The following LEMD2 variants were observed in gnomAD, a reference collection of about 807,000 sequenced individuals.
LEMD2 encodes the protein LEM domain-containing protein 2.
LEMD2 carries 34 observed loss-of-function variants against 58.8 expected under a neutral mutation model. That is an observed-to-expected ratio of 0.58 (90% CI 0.44 to 0.77). The LOEUF is 0.77. LEMD2 is among the 30% of genes least tolerant of loss of function. The pLI is 0.00. For synonymous variants in LEMD2, 298 were observed against 308.9 expected (o/e 0.96, Z 0.37); for missense variants, 629 against 717.9 (o/e 0.88, Z 1.42).
intron 3 of LEMD2, 41 bp downstream of exon 3, chr6:33,784,311 C>T: frequency 1.3e-6 from 2 of 1,486,244 alleles, no homozygotes; most frequent in Non-Finnish European, 1.9e-6. Context: ...CCGCCCATAG[C>T]TCTCACAAGA....
Position 33,777,008 on chromosome 6 carries a change from T to C in LEMD2, c.1307A>G (p.Tyr436Cys). The C allele has an allele frequency of 6.2e-7, 1 of 1,614,138 alleles. No individual in the cohort carries two copies. Among genetic ancestry groups the C allele is most frequent in the Non-Finnish European group, 8.5e-7 (1 of 1,180,008 alleles). The change falls in exon 8 of 9, where the codon TAT (tyrosine) becomes TGT (cysteine). Residue 436 changes from tyrosine (Y) to cysteine (C), a missense_variant. Transcript: ENST00000293760. The part of the protein sequence containing the change: ...YVDWEQDMER[Y>C]PYVGILHVRD... ...CACGTGCAGGATGCCTACATATGGA[T>C]AGCGCTCCATGTCCTGCTCCCAGTC...
Position 33,772,184 on chromosome 6 carries a change from G to GT in LEMD2, c.*443dup, listed in dbSNP as rs1305371000. 1.3e-5 allele frequency: 2 copies of GT among 158,046 alleles called. No individual in the cohort carries two copies. The highest frequency in any genetic ancestry group is 4.8e-5 in the African/African-American group (2 of 41,544). 9.8% of individuals were successfully genotyped at this position (158,046 alleles called of 1,614,324 possible). A position where few individuals can be genotyped will look rare whatever the true frequency, so the allele number is the denominator to read the frequency against. ...TCTCCCTTCACCCTGGAGCTCTCAA[G>GT]TAACAACCCCCTGAAGGCACATGGA... On this transcript the variant is annotated 3_prime_UTR_variant, in exon 9 of 9. Transcript: ENST00000293760.
At position 33,778,168 on chromosome 6, in the gene LEMD2, T is replaced by C. The variant is rs1767479185; in HGVS notation, c.1156+74A>G. On this transcript the variant is annotated intron_variant, in intron 6 of 8. Transcript: ENST00000293760. The surrounding 1 kb of genome is among the most constrained non-coding windows in gnomAD (Gnocchi z 4.7). Reference sequence around the variant, plus strand: ...AAATGAACCCTCCGGGCCTGGAATTTCTATAGCTCATCATTCATGCCTAGG... The same window carrying C: ...AAATGAACCCTCCGGGCCTGGAATTCCTATAGCTCATCATTCATGCCTAGG... 7.1e-6 allele frequency: 10 copies of C among 1,417,940 alleles called. No homozygotes were observed. Among genetic ancestry groups the C allele is most frequent in the Non-Finnish European group, 9.4e-6 (10 of 1,066,426 alleles). The allele number at this position is 1,417,940 out of a possible 1,614,324, so 87.8% of individuals were successfully genotyped here.
chr6:33,784,477 G>GGGGGGGGGGGGGGGCCCCCCCC, intron 2 of LEMD2, 50 bp from the exon 3 acceptor site: 2 of 430,802 alleles, frequency 4.6e-6, no homozygotes, highest in Non-Finnish European at 9.5e-6. Flanking sequence ...GGTGGGAGGG[G>GGGGGGGGGGGGGGGCCCCCCCC]TCCGTCTGTC....
chr6:33,772,707 T>C lies in LEMD2; in HGVS notation c.1433A>G (p.Glu478Gly), dbSNP rs1305505374. Residue 478 changes from glutamate to glycine, a missense_variant, in exon 9 of 9, where the codon GAG becomes GGG. This residue lies in a region of LEMD2 where 243 missense variants were observed against 336.8 expected (regional missense o/e 0.72). Coordinates refer to ENST00000293760, the MANE Select transcript of LEMD2 (RefSeq NM_181336.4). ...LASNESRIQT[E>G]SHRVAGEDML... ...GTCCTCTCCTGCAACGCGGTGGGAC[T>C]CCGTCTGGATCCGGGATTCGTTGGA... 1.2e-6 allele frequency: 2 copies of C among 1,614,056 alleles called. No homozygotes were observed. Among genetic ancestry groups the C allele is most frequent in the Non-Finnish European group, 1.7e-6 (2 of 1,180,000 alleles).
In LEMD2 at chr6:33,784,410, C is replaced by T; in HGVS notation, c.795G>A (p.Gln265=). The stretch of plus-strand genomic sequence containing the variant: ...GCAGCAGCTCCAGCAAGGCTGCCTT[C>T]TGCTTGGCCTGACAGAACTGGAAAG... ...RKTDEFCQAK[Q]KAALLELLHE... The change falls in exon 3 of 9, where the codon CAG becomes CAA. Residue 265 remains glutamine, a synonymous_variant. Transcript: ENST00000293760. 1 of 1,341,356 alleles carries T rather than the reference C, an allele frequency of 7.5e-7. No individual in the cohort carries two copies. Among genetic ancestry groups the T allele is most frequent in the Non-Finnish European group, 9.8e-7 (1 of 1,019,046 alleles). 83.1% of individuals were successfully genotyped at this position (1,341,356 alleles called of 1,614,324 possible).
Position 33,787,763 on chromosome 6 carries a change from C to G in LEMD2, c.736+618G>C, listed in dbSNP as rs139162048. Among the ~76,000 whole-genome samples, 1,491 of 152,298 alleles carry G rather than the reference C, an allele frequency of 9.8e-3. 13 individuals are homozygous for G. Among genetic ancestry groups the G allele is most frequent in the Non-Finnish European group, 0.015 (1,027 of 68,024 alleles). ...AGGATGGCTGTGAGCATCCTTGAGT[C>G]GTAGTCTCTCTCTTAACACACTCCA... On this transcript the variant is annotated intron_variant, in intron 1 of 8. Coordinates refer to ENST00000293760, the MANE Select transcript of LEMD2 (RefSeq NM_181336.4).
At chr6:33,784,090 G>A (rs1490899269) in intron 3 of LEMD2, among the ~76,000 whole-genome samples, 3 of 152,256 alleles carry the variant, frequency 2.0e-5, no homozygotes, top group Admixed American at 1.3e-4. Flanking sequence ...AGGAAGAACA[G>A]CTGCAGGAAG....
chr6:33,783,012 C>T (rs1028178000), intron 3 of LEMD2, among the ~76,000 whole-genome samples: 5 of 152,214 alleles, frequency 3.3e-5, no homozygotes, highest in Non-Finnish European at 7.4e-5. Context: ...GACCCAATTT[C>T]GAGCAGTGCT....
chr6:33,777,688 G>A (rs1296668288), intron 6 of LEMD2, among the ~76,000 whole-genome samples: 1 of 152,170 alleles, frequency 6.6e-6, no homozygotes, highest in Non-Finnish European at 1.5e-5. Flanking sequence ...ACTATCTCTG[G>A]AAAGCCGTGG....
rs1303532287 is a variant in LEMD2, at chr6:33,789,060, C to T, written c.57G>A (p.Gln19=). The T allele has an allele frequency of 6.4e-7, 1 of 1,551,952 alleles. No homozygotes were observed. The highest frequency in any genetic ancestry group is 8.6e-7 in the Non-Finnish European group (1 of 1,157,456). ...LRRELQALGF[Q]PGPITDTTRD... ...GGGTGGTGTCGGTGATGGGTCCTGG[C>T]TGGAAGCCCAGGGCCTGCAGCTCCC... Residue 19 remains glutamine (Q), a synonymous_variant, in exon 1 of 9, where the codon CAG becomes CAA. Coordinates refer to ENST00000293760, the MANE Select transcript of LEMD2 (RefSeq NM_181336.4).
rs546102919 is a variant in LEMD2, at chr6:33,777,946, G to A, written c.1156+296C>T. ...ACTGGGATCCCTGCAGAGCCCAGAAGGGGTGGGGCCCAGCTCCTGCTCAGG... is the reference window on the plus strand; with the variant it reads ...ACTGGGATCCCTGCAGAGCCCAGAAAGGGTGGGGCCCAGCTCCTGCTCAGG... On this transcript the variant is annotated intron_variant, in intron 6 of 8. Transcript: ENST00000293760. 2.3e-3 allele frequency among the ~76,000 whole-genome samples: 348 copies of A among 152,368 alleles called. 1 individual carries two copies. The highest frequency in any genetic ancestry group is 5.5e-3 in the Admixed American group (84 of 15,310).
rs760559700 is a variant in LEMD2, at chr6:33,781,132, G to A, written c.875C>T (p.Pro292Leu). 6.2e-7 allele frequency: 1 copy of A among 1,611,572 alleles called. No individual in the cohort carries two copies. The change falls in exon 4 of 9, where the codon CCA becomes CTA. Residue 292 changes from proline to leucine, a missense_variant. Transcript: ENST00000293760. ...AATGCATTTGCTTTTTAGATTCTCT[G>A]GATTTCCACACTCAAAATTACCTAG... is the stretch of plus-strand genomic sequence containing the variant. ...IQAGNFECGN[P>L]ENLKSKCIPV...
At chr6:33,783,302 C>T (rs770060034) in intron 3 of LEMD2, among the ~76,000 whole-genome samples, 1 of 152,188 alleles carries the variant, frequency 6.6e-6, no homozygotes, top group Non-Finnish European at 1.5e-5. Context: ...TGGATGCCTC[C>T]CCTACCATCT....
chr6:33,788,140 T>C (rs1286346883), intron 1 of LEMD2, among the ~76,000 whole-genome samples: 2 of 152,138 alleles, frequency 1.3e-5, no homozygotes, highest in East Asian at 3.9e-4. Context: ...AGGGAGACGT[T>C]AGAAGGGAGG....
chr6:33,774,014 A>G (rs975942953), intron 8 of LEMD2, among the ~76,000 whole-genome samples: 3 of 152,166 alleles, frequency 2.0e-5, no homozygotes, highest in Admixed American at 2.0e-4. Context: ...CTGGGTATCT[A>G]TGCTAATGCA....
intron 8 of LEMD2, among the ~76,000 whole-genome samples, chr6:33,775,901 G>A (rs1203485574): frequency 6.6e-6 from 1 of 152,208 alleles, no homozygotes; most frequent in African/African-American, 2.4e-5. Flanking sequence ...TGAGCTCTCA[G>A]CATCACCCAG....
intron 2 of LEMD2, among the ~76,000 whole-genome samples, chr6:33,785,491 G>C (rs902654632): frequency 6.6e-6 from 1 of 152,240 alleles, no homozygotes; most frequent in Admixed American, 6.5e-5. Context: ...CTCAAGTGGA[G>C]CCTGAGTGTG....
intron 5 of LEMD2, chr6:33,779,809 G>C: frequency 3.1e-6 from 1 of 319,926 alleles, no homozygotes; most frequent in Non-Finnish European, 5.8e-6. Flanking sequence ...TGTTGTTGAT[G>C]AATGAGAAAG....
Sources: allele counts gnomAD v4.1 joint callset (sites outside exome capture counted in the v4.1 genomes callset), GRCh38; gene constraint gnomAD v4.1.1; regional missense constraint gnomAD v4.1.1; non-coding constraint Gnocchi (gnomAD v3.1); transcripts MANE v1.5; gene names NCBI Gene and HGNC (gene_info 2026-07-23, HGNC 2026-07-21).